Variants in MYOZ2 observed in about 807,000 individuals in gnomAD.
MYOZ2 encodes the protein myozenin-2.
A neutral mutation model predicts 25.4 loss-of-function variants in MYOZ2; 19 were observed. The observed-to-expected ratio is 0.75, with a 90% CI of 0.52 to 1.10. The LOEUF is 1.10. MYOZ2 is among the 50% of genes least tolerant of loss of function. The pLI, the probability that MYOZ2 is intolerant of heterozygous loss-of-function variation, is 0.00. For missense variants in MYOZ2, 270 were observed against 317.9 expected, an observed-to-expected ratio of 0.85 and a Z score of 1.15; for synonymous variants, 92 against 106.9, an observed-to-expected ratio of 0.86 and a Z score of 0.86.
At chr4:119,177,322 A>G (rs1742094606) in intron 5 of MYOZ2, among the ~76,000 whole-genome samples, 1 of 152,212 alleles carries the variant, frequency 6.6e-6, no homozygotes, top group African/African-American at 2.4e-5. Flanking sequence ...AAGCAGCTGA[A>G]TGTGGCTGGA....
Position 119,167,464 on chromosome 4 carries a change from G to A in MYOZ2, c.560+3070G>A, listed in dbSNP as rs181729139. The stretch of plus-strand genomic sequence containing the variant: ...ACGCCATCTTCTTAACTTTTATAGC[G>A]CAAGGTGAAGCAGCAAGTGCAGATG... On this transcript the variant is annotated intron_variant, in intron 5 of 5. Coordinates refer to ENST00000307128, the MANE Select transcript of MYOZ2 (RefSeq NM_016599.5). 2.6e-4 allele frequency among the ~76,000 whole-genome samples: 40 copies of A among 152,318 alleles called. No individual in the cohort carries two copies. In the East Asian group the frequency reaches 6.4e-3, roughly 24 times the overall value.
At chr4:119,177,390 G>C (rs1742095848) in intron 5 of MYOZ2, among the ~76,000 whole-genome samples, 3 of 152,128 alleles carry the variant, frequency 2.0e-5, no homozygotes, top group Admixed American at 2.0e-4. Context: ...TCTCAGCACT[G>C]CCAGACAATC....
chr4:119,170,608 A>C (rs1481175486), intron 5 of MYOZ2, among the ~76,000 whole-genome samples: 3 of 152,164 alleles, frequency 2.0e-5, no homozygotes, highest in Non-Finnish European at 4.4e-5. Context: ...GAGAATTGCT[A>C]AATTGAGGCA....
At chr4:119,152,505 G>A (rs1356704024) in intron 3 of MYOZ2, among the ~76,000 whole-genome samples, 1 of 152,000 alleles carries the variant, frequency 6.6e-6, no homozygotes, top group African/African-American at 2.4e-5. Context: ...CTACAATTCT[G>A]AAGAAAGGTA....
chr4:119,157,172 A>C (rs570943516), intron 3 of MYOZ2, among the ~76,000 whole-genome samples: 1 of 152,270 alleles, frequency 6.6e-6, no homozygotes, highest in South Asian at 2.1e-4. Context: ...TTTTTACTAA[A>C]TTTTTATTTT....
intron 5 of MYOZ2, among the ~76,000 whole-genome samples, chr4:119,174,867 G>C (rs1742026424): frequency 6.6e-6 from 1 of 152,078 alleles, no homozygotes; most frequent in African/African-American, 2.4e-5. Context: ...GCAAAGATCT[G>C]CAGCTTCACT....
chr4:119,172,123 A>G (rs1391823757), intron 5 of MYOZ2, among the ~76,000 whole-genome samples: 1 of 152,226 alleles, frequency 6.6e-6, no homozygotes, highest in Admixed American at 6.5e-5. Context: ...CTCTGAGTGT[A>G]TTCAAATTTT....
intron 4 of MYOZ2, among the ~76,000 whole-genome samples, chr4:119,162,566 T>C (rs1439603510): frequency 2.0e-5 from 3 of 152,238 alleles, no homozygotes; most frequent in Admixed American, 6.5e-5. Context: ...TTGTTCTGTT[T>C]GTAGACCACC....
intron 5 of MYOZ2, among the ~76,000 whole-genome samples, chr4:119,181,016 A>G (rs190397692): frequency 4.7e-4 from 71 of 152,242 alleles, no homozygotes; most frequent in Admixed American, 4.0e-3. Context: ...ATACATATAT[A>G]TTTTTTACAT....
At chr4:119,185,567 G>A (rs1352562978) in intron 5 of MYOZ2, among the ~76,000 whole-genome samples, 3 of 152,112 alleles carry the variant, frequency 2.0e-5, no homozygotes, top group East Asian at 1.9e-4. Flanking sequence ...CTCCTGCCTC[G>A]GCCTCCCAAA....
At chr4:119,143,301 T>C (rs1407391638) in intron 2 of MYOZ2, among the ~76,000 whole-genome samples, 1 of 152,040 alleles carries the variant, frequency 6.6e-6, no homozygotes, top group African/African-American at 2.4e-5. Context: ...GTTCAAGCGA[T>C]TCTCCTGCTT....
intron 5 of MYOZ2, among the ~76,000 whole-genome samples, chr4:119,184,286 C>G (rs1742251410): frequency 6.6e-6 from 1 of 152,208 alleles, no homozygotes; most frequent in Non-Finnish European, 1.5e-5. Context: ...TCTCTGTCCC[C>G]TGTTCCCTCT....
At chr4:119,152,366 A>G (rs1306793232) in intron 3 of MYOZ2, among the ~76,000 whole-genome samples, 2 of 152,120 alleles carry the variant, frequency 1.3e-5, no homozygotes, top group South Asian at 2.1e-4. Context: ...AAGGCTCTCT[A>G]TGGAGTAGTA....
At chr4:119,142,317 C>G (rs1397247892) in intron 2 of MYOZ2, among the ~76,000 whole-genome samples, 1 of 152,184 alleles carries the variant, frequency 6.6e-6, no homozygotes, top group African/African-American at 2.4e-5. Flanking sequence ...TCTCTTCTAT[C>G]TTTTATAATC....
chr4:119,149,631 C>G (rs1424764564), intron 2 of MYOZ2, among the ~76,000 whole-genome samples: 1 of 152,112 alleles, frequency 6.6e-6, no homozygotes, highest in Non-Finnish European at 1.5e-5. Flanking sequence ...TTCCTTGGGT[C>G]CTGGGGTCCC....
intron 5 of MYOZ2, among the ~76,000 whole-genome samples, chr4:119,175,508 C>T (rs1327043177): frequency 6.6e-6 from 1 of 152,068 alleles, no homozygotes; most frequent in African/African-American, 2.4e-5. Flanking sequence ...CACCTATAAT[C>T]CCAGCACTTT....
chr4:119,180,453 T>A lies in MYOZ2; in HGVS notation c.561-5513T>A, dbSNP rs545062856. Among the ~76,000 whole-genome samples the A allele has an allele frequency of 1.9e-4, 29 of 152,382 alleles. No individual in the cohort carries two copies. The South Asian group carries it at 6.0e-3, about 32-fold the overall frequency. On this transcript the variant is annotated intron_variant, in intron 5 of 5. Transcript: ENST00000307128. ...GCCTGCCAGCTAATACTTGTTAATTTAATCTGCATACTGCTATTCGCCTTT... is the reference window on the plus strand; with the variant it reads ...GCCTGCCAGCTAATACTTGTTAATTAAATCTGCATACTGCTATTCGCCTTT...
At chr4:119,161,568 T>C (rs1328012297) in intron 4 of MYOZ2, among the ~76,000 whole-genome samples, 3 of 152,138 alleles carry the variant, frequency 2.0e-5, no homozygotes, top group Admixed American at 6.5e-5. Context: ...AATTGTAATA[T>C]TTCTGTGAGG....
At chr4:119,183,611 A>G (rs1486168438) in intron 5 of MYOZ2, among the ~76,000 whole-genome samples, 1 of 152,184 alleles carries the variant, frequency 6.6e-6, no homozygotes, top group Non-Finnish European at 1.5e-5. Flanking sequence ...GCCAGTTGCT[A>G]AAACTCTAAA....
Sources: gnomAD v4.1 joint callset for allele counts (sites outside exome capture counted in the v4.1 genomes callset) on GRCh38, gnomAD v4.1.1 for gene constraint, MANE v1.5 for transcripts, NCBI Gene and HGNC (gene_info 2026-07-23, HGNC 2026-07-21) for gene names.